RETSAT: variants seen among roughly 807,000 people sequenced by gnomAD.
RETSAT encodes retinol saturase, also known as all-trans-retinol 13,14-reductase.
In RETSAT, 35 loss-of-function variants were observed where a neutral mutation model predicts 61.6. That is an observed-to-expected ratio of 0.57 (90% CI 0.43 to 0.75). The LOEUF (loss-of-function observed/expected upper bound fraction) is 0.75. Ranked by LOEUF, RETSAT falls within the 30% of genes least tolerant of loss-of-function variation. The pLI, the probability that RETSAT is intolerant of heterozygous loss-of-function variation, is 0.00. For synonymous variants in RETSAT, 277 were observed against 310.4 expected (o/e 0.89, Z 1.13); for missense variants, 670 against 759.5 (o/e 0.88, Z 1.38).
At chr2:85,349,749 C>T in intron 4 of RETSAT, 168 bp from the exon 5 acceptor site, 3 of 664,274 alleles carry the variant, frequency 4.5e-6, no homozygotes, top group Non-Finnish European at 7.9e-6. Context: ...ACATGGGGTA[C>T]CTTAGAGATC....
chr2:85,352,123 C>T (rs1683308408), intron 1 of RETSAT, among the ~76,000 whole-genome samples: 2 of 152,248 alleles, frequency 1.3e-5, no homozygotes, highest in Admixed American at 1.3e-4. Context: ...GATGTGATCA[C>T]AGCTCACTGC....
At chr2:85,349,834 G>A (rs1050249926) in intron 4 of RETSAT, 34 of 634,542 alleles carry the variant, frequency 5.4e-5, no homozygotes, top group Non-Finnish European at 8.8e-5. Context: ...TGCTTGAATT[G>A]AAAAATCATC....
Position 85,344,674 on chromosome 2 carries a change from G to A in RETSAT, c.1176C>T (p.Ile392=). The part of the protein sequence containing the change: ...RPGLGMTSVF[I]CLRGTKEDLH... ...GGTCTTCCTTGGTGCCTCGCAGGCA[G>A]ATGAAAACAGAGGTCATGCCTAAGC... Residue 392 remains isoleucine (I), a synonymous_variant, in exon 7 of 11, where the codon ATC becomes ATT. Coordinates refer to ENST00000295802, the MANE Select transcript of RETSAT (RefSeq NM_017750.4). 1 of 1,614,196 alleles carries A rather than the reference G, an allele frequency of 6.2e-7. No individual in the cohort carries two copies. Among genetic ancestry groups the A allele is most frequent in the Non-Finnish European group, 8.5e-7 (1 of 1,180,026 alleles).
At chr2:85,347,096 C>T (rs1224757176) in intron 5 of RETSAT, among the ~76,000 whole-genome samples, 5 of 152,082 alleles carry the variant, frequency 3.3e-5, no homozygotes, top group Non-Finnish European at 7.3e-5. Flanking sequence ...ATTCTCCAAC[C>T]TCATCTGCTT....
In RETSAT at chr2:85,343,258, T is replaced by C. The variant is rs761151422; in HGVS notation, c.1817A>G (p.Gln606Arg). ...LKNLDSRIRAQKKKN is the reference protein window; with the variant it reads ...LKNLDSRIRARKKKN ...CTGATGGAACTAATTCTTTTTCTTC[T>C]GTGCCCGGATCCTAGAATCAAGATT... Residue 606 changes from glutamine (Q) to arginine (R), a missense_variant, in exon 11 of 11, where the codon CAG becomes CGG. Gln to Arg is a conservative substitution (Grantham distance 43). Coordinates refer to ENST00000295802, the MANE Select transcript of RETSAT (RefSeq NM_017750.4). The C allele has an allele frequency of 9.9e-6, 16 of 1,614,106 alleles. No homozygotes were observed. The highest frequency in any genetic ancestry group is 1.3e-5 in the African/African-American group (1 of 74,958).
rs1683116842 is a variant in RETSAT at position 85,343,189 on chromosome 2, A to G, written c.*53T>C. On this transcript the variant is annotated 3_prime_UTR_variant, in exon 11 of 11. Transcript: ENST00000295802. ...TGCAGAAAGACATTATGGGTAAGTC[A>G]AGGGAGATGCCCCAGCCATTGGGCA... The G allele has an allele frequency of 1.2e-6, 2 of 1,604,798 alleles. No homozygotes were observed. Among genetic ancestry groups the G allele is most frequent in the Non-Finnish European group, 1.7e-6 (2 of 1,173,678 alleles).
intron 1 of RETSAT, 130 bp downstream of exon 1, chr2:85,354,206 G>T: frequency 3.1e-6 from 3 of 973,674 alleles, no homozygotes; most frequent in Non-Finnish European, 4.6e-6. Context: ...GTGCAAGGAA[G>T]CCCTCCTAGT....
chr2:85,344,634 T>C lies in RETSAT; in HGVS notation c.1216A>G (p.Thr406Ala), dbSNP rs770924720. 2 of 1,614,206 alleles carry C rather than the reference T, an allele frequency of 1.2e-6. No individual in the cohort carries two copies. The highest frequency in any genetic ancestry group is 1.7e-6 in the Non-Finnish European group (2 of 1,180,036). ...GTKEDLHLPS[T>A]NYYVYYDTDM... ...GTGTCATAGTAAACATAGTAGTTGG[T>C]GGACGGCAGATGCAGGTCTTCCTTG... Residue 406 changes from threonine (T) to alanine (A), a missense_variant, in exon 7 of 11, where the codon ACC (threonine) becomes GCC (alanine). Transcript: ENST00000295802.
chr2:85,344,349 C>T lies in RETSAT; in HGVS notation c.1257-1G>A, dbSNP rs1372527270. On this transcript the variant is annotated splice_acceptor_variant, in intron 7 of 10. Transcript: ENST00000295802. LOFTEE classifies it high-confidence loss of function. ...GGGCATGGAGACGTAGCGCTCCATC[C>T]TGCATGTGACAAGAGTGTGGTGGGA... The T allele has an allele frequency of 6.2e-7, 1 of 1,613,708 alleles. No homozygotes were observed. Among genetic ancestry groups the T allele is most frequent in the Non-Finnish European group, 8.5e-7 (1 of 1,179,762 alleles).
At chr2:85,346,428 C>A (rs1329425719) in intron 5 of RETSAT, among the ~76,000 whole-genome samples, 2 of 152,158 alleles carry the variant, frequency 1.3e-5, no homozygotes, top group Admixed American at 6.6e-5. Context: ...CTTTTCTCTG[C>A]TGCCAGAGTT....
Position 85,354,477 on chromosome 2 carries a change from C to T in RETSAT, c.31G>A (p.Val11Met). The T allele has an allele frequency of 1.2e-6, 2 of 1,613,078 alleles. No homozygotes were observed. Among genetic ancestry groups the T allele is most frequent in the Non-Finnish European group, 1.7e-6 (2 of 1,179,450 alleles). MWLPLVLLLAVLLLAVLCKVY... is the reference protein window; with the variant it reads MWLPLVLLLAMLLLAVLCKVY... ...TTGCAGAGGACGGCCAGCAGCAGCA[C>T]AGCCAGGAGCAGCACCAGCGGAAGC... Residue 11 changes from valine (V) to methionine (M), a missense_variant, in exon 1 of 11, where the codon GTG (valine) becomes ATG (methionine). Transcript: ENST00000295802.
Position 85,349,585 on chromosome 2 carries a change from C to T in RETSAT, c.800-4G>A. ...GCACTGTGGTTGGGGGTGACACCTG[C>T]AGAAGCAAGGAAGGGTGGTGAGCTG... is the stretch of plus-strand genomic sequence containing the variant. On this transcript the variant is annotated splice_polypyrimidine_tract_variant and splice_region_variant and intron_variant, in intron 4 of 10. Coordinates refer to ENST00000295802, the MANE Select transcript of RETSAT (RefSeq NM_017750.4). 1 of 1,613,870 alleles carries T rather than the reference C, an allele frequency of 6.2e-7. No individual in the cohort carries two copies. The highest frequency in any genetic ancestry group is 8.5e-7 in the Non-Finnish European group (1 of 1,179,814).
chr2:85,344,444 G>C, intron 7 of RETSAT, 96 bp from the exon 8 acceptor site: 1 of 1,529,204 alleles, frequency 6.5e-7, no homozygotes, highest in Non-Finnish European at 9.0e-7. Flanking sequence ...ACTCCCCACA[G>C]GGGTGAAGCT....
At position 85,351,715 on chromosome 2, in the gene RETSAT, T is replaced by C. The variant is rs777682512; in HGVS notation, c.320A>G (p.His107Arg). 37 of 1,614,038 alleles carry C rather than the reference T, an allele frequency of 2.3e-5. No homozygotes were observed. Among genetic ancestry groups the C allele is most frequent in the Non-Finnish European group, 3.1e-5 (36 of 1,180,020 alleles). Residue 107 changes from histidine to arginine, a missense_variant, in exon 2 of 11, where the codon CAT (histidine) becomes CGT (arginine). By Grantham distance (29) the His-to-Arg change is conservative (BLOSUM62 0). Transcript: ENST00000295802. ...TTCAAGGCCATTCTTTCCAAAGGTA[T>C]GACAGCAGCCCCCTGCCTTGGTATG... ...EQHTKAGGCC[H>R]TFGKNGLEFD...
rs1296170935 is a variant in RETSAT, at chr2:85,351,869, C to T, written c.173-7G>A. 1.2e-6 allele frequency: 2 copies of T among 1,612,204 alleles called. No individual in the cohort carries two copies. The highest frequency in any genetic ancestry group is 8.5e-7 in the Non-Finnish European group (1 of 1,179,536). Reference sequence around the variant, plus strand: ...ACTTGGTTGGCTGAAAAAGCTACAGCAGAAGGGCCAAAGGGTGGGTTTCTC... The same window carrying T: ...ACTTGGTTGGCTGAAAAAGCTACAGTAGAAGGGCCAAAGGGTGGGTTTCTC... On this transcript the variant is annotated splice_region_variant and splice_polypyrimidine_tract_variant and intron_variant, in intron 1 of 10. Coordinates refer to ENST00000295802, the MANE Select transcript of RETSAT (RefSeq NM_017750.4).
At chr2:85,349,726 C>G (rs916733928) in intron 4 of RETSAT, 145 bp from the exon 5 acceptor site, 1 of 732,518 alleles carries the variant, frequency 1.4e-6, no homozygotes, top group Non-Finnish European at 2.3e-6. Flanking sequence ...GCCAGAGGAG[C>G]CTTTCCATCT....
In RETSAT at chr2:85,343,994, C is replaced by G. The variant is rs531672412; in HGVS notation, c.1533+5G>C. The stretch of plus-strand genomic sequence containing the variant: ...CGTCACCACCCCAAATACTTTACCC[C>G]CTACCTTCCCCTCCAGCTGTGGGAA... On this transcript the variant is annotated splice_donor_5th_base_variant and intron_variant, in intron 9 of 10. Transcript: ENST00000295802. 5 of 1,613,796 alleles carry G rather than the reference C, an allele frequency of 3.1e-6. No homozygotes were observed. Among genetic ancestry groups the G allele is most frequent in the Admixed American group, 3.3e-5 (2 of 59,990 alleles).
At chr2:85,346,227 G>A (rs760575875) in intron 5 of RETSAT, 133 bp from the exon 6 acceptor site, 570 of 1,201,202 alleles carry the variant, frequency 4.7e-4, no homozygotes, top group Admixed American at 5.8e-4. Flanking sequence ...ACTCAGGCAG[G>A]GCAGGCCCCT....
chr2:85,348,765 T>A (rs1452661398), intron 5 of RETSAT, among the ~76,000 whole-genome samples: 5 of 151,948 alleles, frequency 3.3e-5, no homozygotes, highest in African/African-American at 1.2e-4. Flanking sequence ...CTTTCTTTTT[T>A]TTTGAGATGG....
Sources: gnomAD v4.1 joint callset for allele counts (sites outside exome capture counted in the v4.1 genomes callset) on GRCh38, gnomAD v4.1.1 for gene constraint, MANE v1.5 for transcripts, NCBI Gene and HGNC (gene_info 2026-07-23, HGNC 2026-07-21) for gene names.